COL27A1: variants seen among roughly 807,000 people sequenced by gnomAD.
COL27A1 encodes the protein collagen type XXVII alpha 1 chain, also known as collagen alpha-1(XXVII) chain.
COL27A1 carries 106 observed loss-of-function variants against 251.3 expected under a neutral mutation model. The ratio of observed to expected loss-of-function variants is 0.42; its 90% CI spans 0.36 to 0.50. COL27A1 has a LOEUF of 0.50. Among genes scored for constraint, COL27A1 ranks in the 20% least tolerant of loss-of-function variants. COL27A1 has a pLI of 0.00. For missense variants in COL27A1, 2,325 were observed against 2,522.8 expected, an observed-to-expected ratio of 0.92 and a Z score of 1.68; for synonymous variants, 1,000 against 986.3, an observed-to-expected ratio of 1.01 and a Z score of -0.26.
chr9:114,181,741 G>A (rs561789949), intron 4 of COL27A1, among the ~76,000 whole-genome samples: 2 of 152,306 alleles, frequency 1.3e-5, no homozygotes, highest in South Asian at 2.1e-4. Context: ...AGCTGTTATC[G>A]GGGAACTTGG....
intron 33 of COL27A1, among the ~76,000 whole-genome samples, chr9:114,267,106 C>T (rs1834801178): frequency 6.6e-6 from 1 of 152,224 alleles, no homozygotes; most frequent in Non-Finnish European, 1.5e-5. Flanking sequence ...GGCTGCTTCC[C>T]ACCCGCCTCA....
At position 114,222,247 on chromosome 9, in the gene COL27A1, C is replaced by T; in HGVS notation, c.2446C>T (p.Pro816Ser). The change falls in exon 14 of 61, where the codon CCT becomes TCT. Residue 816 changes from proline (P) to serine (S), a missense_variant. This residue lies in a region of COL27A1 where 1,183 missense variants were observed against 1,144.1 expected (regional missense o/e 1.03). Coordinates refer to ENST00000356083, the MANE Select transcript of COL27A1 (RefSeq NM_032888.4). ...GGGAGAACTGGGCCTGCCAGGCCCC[C>T]CTGGAGTCCCCGGCCTCATTGTAAG... is the stretch of plus-strand genomic sequence containing the variant. The part of the protein sequence containing the change: ...NPGELGLPGP[P>S]GVPGLIGDLG... The T allele has an allele frequency of 6.2e-7, 1 of 1,613,786 alleles. No individual in the cohort carries two copies. Among genetic ancestry groups the T allele is most frequent in the Non-Finnish European group, 8.5e-7 (1 of 1,179,712 alleles).
intron 11 of COL27A1, 107 bp from the exon 12 acceptor site, chr9:114,210,875 G>C: frequency 9.0e-7 from 1 of 1,109,116 alleles, no homozygotes; most frequent in East Asian, 2.4e-5. Context: ...ACACATTCCA[G>C]GCCCTCTGTG....
chr9:114,295,735 G>A (rs368286655), intron 49 of COL27A1, among the ~76,000 whole-genome samples: 5 of 152,038 alleles, frequency 3.3e-5, no homozygotes, highest in South Asian at 4.1e-4. Context: ...TCAGCTCACC[G>A]CAACCTCCGC....
chr9:114,243,383 C>G, intron 22 of COL27A1, 124 bp from the exon 23 acceptor site: 1 of 774,128 alleles, frequency 1.3e-6, no homozygotes, highest in Non-Finnish European at 2.2e-6. Context: ...TTATATGCCC[C>G]TGTCCACCAG....
At chr9:114,267,657 C>T (rs2135610828) in intron 34 of COL27A1, 100 bp downstream of exon 34, 1 of 1,125,888 alleles carries the variant, frequency 8.9e-7, no homozygotes, top group South Asian at 1.4e-5. Flanking sequence ...TTTCTTGTGG[C>T]TGGGATAATG....
chr9:114,186,046 AGTGGGGGGACT>A (rs1828314148), intron 5 of COL27A1, among the ~76,000 whole-genome samples: 1 of 152,326 alleles, frequency 6.6e-6, no homozygotes, highest in South Asian at 2.1e-4. Flanking sequence ...ACGGCTGGGC[AGTGGGGGGACT>A]GTATTTCAGA....
At chr9:114,222,379 T>A in intron 14 of COL27A1, 112 bp downstream of exon 14, 1 of 852,924 alleles carries the variant, frequency 1.2e-6, no homozygotes, top group Non-Finnish European at 1.7e-6. Context: ...AAGACCCTTC[T>A]CTCATCAAAC....
intron 8 of COL27A1, 90 bp downstream of exon 8, chr9:114,205,236 T>C: frequency 8.0e-7 from 1 of 1,242,812 alleles, no homozygotes; most frequent in Non-Finnish European, 1.1e-6. Flanking sequence ...TCCTGCTCTG[T>C]GAGCCAGCCC....
chr9:114,165,236 CATG>C (rs1564412795), intron 2 of COL27A1, among the ~76,000 whole-genome samples: 1 of 152,198 alleles, frequency 6.6e-6, no homozygotes, highest in Non-Finnish European at 1.5e-5. Context: ...ACCATTATAA[CATG>C]CTGCCAGCAC....
Position 114,250,184 on chromosome 9 carries a change from C to T in COL27A1, c.2980-431C>T, listed in dbSNP as rs193180994. Among the ~76,000 whole-genome samples the T allele has an allele frequency of 3.6e-3, 549 of 152,312 alleles. 2 individuals are homozygous for T. The highest frequency in any genetic ancestry group is 6.4e-3 in the Non-Finnish European group (432 of 68,018). On this transcript the variant is annotated intron_variant, in intron 24 of 60. Coordinates refer to ENST00000356083, the MANE Select transcript of COL27A1 (RefSeq NM_032888.4). ...CCCCGATTCCAATCAGTTCTCTTGGCGGAGGCTGTTACGGTATTTCTGTCC... is the reference window on the plus strand; with the variant it reads ...CCCCGATTCCAATCAGTTCTCTTGGTGGAGGCTGTTACGGTATTTCTGTCC...
rs966253195 is a variant in COL27A1 at position 114,196,582 on chromosome 9, C to T, written c.2124+570C>T. Among the ~76,000 whole-genome samples the T allele has an allele frequency of 2.6e-5, 4 of 152,164 alleles. No homozygotes were observed. The South Asian group carries it at 8.3e-4, about 32-fold the overall frequency. Reference sequence around the variant, plus strand: ...CATTTCCTGGCTGGGTGACCTTGGGCAAGTCAGTGAGCTCTCAGAGTCTAA... The same window carrying T: ...CATTTCCTGGCTGGGTGACCTTGGGTAAGTCAGTGAGCTCTCAGAGTCTAA... On this transcript the variant is annotated intron_variant, in intron 7 of 60. Transcript: ENST00000356083.
Position 114,288,895 on chromosome 9 carries a change from G to GTC in COL27A1, c.4099-13_4099-12dup, listed in dbSNP as rs748500717. ...TCTGCAGGATGGGCCCCCCTCACCTGTCTCTCTTTGGCTTCCAGGGACAGG... is the reference window on the plus strand; with the variant it reads ...TCTGCAGGATGGGCCCCCCTCACCTGTCTCTCTCTTTGGCTTCCAGGGACAGG... On this transcript the variant is annotated intron_variant, in intron 43 of 60. Transcript: ENST00000356083. The GTC allele has an allele frequency of 1.1e-5, 17 of 1,613,522 alleles. No homozygotes were observed. In the Admixed American group the frequency reaches 2.7e-4, roughly 25 times the overall value.
At chr9:114,253,538 A>T (rs1332532237) in intron 27 of COL27A1, among the ~76,000 whole-genome samples, 2 of 152,132 alleles carry the variant, frequency 1.3e-5, no homozygotes, top group African/African-American at 4.8e-5. Flanking sequence ...AGAAGAGAAG[A>T]GGAGAAAAAG....
intron 37 of COL27A1, among the ~76,000 whole-genome samples, chr9:114,280,989 G>A (rs1042672236): frequency 1.3e-5 from 2 of 152,186 alleles, no homozygotes; most frequent in Admixed American, 6.6e-5. Context: ...TGGTCCAGAT[G>A]TTTCCTTGTT....
chr9:114,283,926 G>A (rs931351047), intron 40 of COL27A1, among the ~76,000 whole-genome samples, 164 bp downstream of exon 40: 6 of 152,242 alleles, frequency 3.9e-5, no homozygotes, highest in African/African-American at 7.2e-5. Context: ...GCCCAGAGCC[G>A]TGGTTGGGGT....
chr9:114,217,106 G>A (rs953815031), intron 12 of COL27A1, among the ~76,000 whole-genome samples: 1 of 152,218 alleles, frequency 6.6e-6, no homozygotes. Context: ...TGGTCACGCT[G>A]TTGGGGTTTA....
At chr9:114,265,159 G>T (rs777046368) in intron 31 of COL27A1, 49 bp downstream of exon 31, 2 of 531,316 alleles carry the variant, frequency 3.8e-6, no homozygotes, top group East Asian at 8.2e-5. Context: ...TTTTGATGGG[G>T]GTGGGGGGCG....
intron 45 of COL27A1, 110 bp from the exon 46 acceptor site, chr9:114,289,948 A>T: frequency 8.2e-7 from 1 of 1,215,286 alleles, no homozygotes; most frequent in Admixed American, 1.7e-5. Context: ...CATCTGTGGC[A>T]TCAGATGTTC....
Sources: gnomAD v4.1 joint callset for allele counts (sites outside exome capture counted in the v4.1 genomes callset) on GRCh38, gnomAD v4.1.1 for gene constraint, gnomAD v4.1.1 regional missense constraint, MANE v1.5 for transcripts, NCBI Gene and HGNC (gene_info 2026-07-23, HGNC 2026-07-21) for gene names.